The following PTPRD variants were observed in gnomAD, a reference collection of about 807,000 sequenced individuals.
The protein encoded by PTPRD is protein tyrosine phosphatase receptor type D.
A neutral mutation model predicts 214.5 loss-of-function variants in PTPRD; 34 were observed. The observed-to-expected ratio is 0.16, with a 90% CI of 0.12 to 0.21. PTPRD has a LOEUF of 0.21. Ranked by LOEUF, PTPRD falls within the 10% of genes least tolerant of loss-of-function variation. PTPRD has a pLI of 1.00. For missense variants in PTPRD, 2,545 were observed against 2,398.7 expected, an observed-to-expected ratio of 1.06 and a Z score of -1.27; for synonymous variants, 1,128 against 845.7, an observed-to-expected ratio of 1.33 and a Z score of -5.79.
At chr9:10,103,535 G>A (rs990234504) in intron 3 of PTPRD, among the ~76,000 whole-genome samples, 7 of 151,180 alleles carry the variant, frequency 4.6e-5, no homozygotes, top group African/African-American at 1.5e-4. Context: ...AGTCTCATTA[G>A]AGAAAGGGAA....
chr9:9,314,331 G>A (rs934027662), intron 9 of PTPRD, among the ~76,000 whole-genome samples: 2 of 152,062 alleles, frequency 1.3e-5, no homozygotes, highest in South Asian at 2.1e-4. Flanking sequence ...GAAGAAACAA[G>A]TTCTGTTCTT....
intron 3 of PTPRD, among the ~76,000 whole-genome samples, chr9:10,236,557 G>T (rs1027812832): frequency 2.6e-5 from 4 of 151,804 alleles, no homozygotes; most frequent in South Asian, 2.1e-4. Context: ...TGCAGTATTA[G>T]ATTTCCCTTA....
At chr9:10,278,790 T>G (rs1354460579) in intron 3 of PTPRD, among the ~76,000 whole-genome samples, 2 of 151,918 alleles carry the variant, frequency 1.3e-5, no homozygotes, top group East Asian at 3.9e-4. Context: ...TTGTTTTGTT[T>G]TTCAGATGGA....
intron 8 of PTPRD, among the ~76,000 whole-genome samples, chr9:9,431,936 A>G (rs984150141): frequency 1.3e-5 from 2 of 150,482 alleles, no homozygotes; most frequent in Admixed American, 6.6e-5. Context: ...GTAGCATTAG[A>G]AGATATACCT....
chr9:10,544,235 G>T (rs1186652994), intron 2 of PTPRD, among the ~76,000 whole-genome samples: 1 of 151,742 alleles, frequency 6.6e-6, no homozygotes, highest in Non-Finnish European at 1.5e-5. Context: ...GGTGTCCCTA[G>T]AAATAAAGTG....
chr9:10,492,534 T>C (rs2040655757), intron 2 of PTPRD, among the ~76,000 whole-genome samples: 1 of 152,176 alleles, frequency 6.6e-6, no homozygotes, highest in South Asian at 2.1e-4. Context: ...TCTGTTCATA[T>C]CCTTTGCCCA....
chr9:9,168,667 T>A (rs2099908739), intron 10 of PTPRD, among the ~76,000 whole-genome samples: 1 of 152,066 alleles, frequency 6.6e-6, no homozygotes, highest in South Asian at 2.1e-4. Context: ...CACCACATAT[T>A]TGTTCTCTAA....
In PTPRD at chr9:9,445,276, C is replaced by A. The variant is rs1424021485; in HGVS notation, c.-236-47794G>T. Among the ~76,000 whole-genome samples, 15 of 152,132 alleles carry A rather than the reference C, an allele frequency of 9.9e-5. 1 individual carries two copies. Among genetic ancestry groups the A allele is most frequent in the Admixed American group, 9.2e-4 (14 of 15,260 alleles). ...CCATACTTATCTGTCCCACGTTTAT[C>A]CCTGCAAATGGACAATACAAATTAA... On this transcript the variant is annotated intron_variant, in intron 8 of 45. Transcript: ENST00000381196.
At chr9:8,792,214 A>G (rs2096260371) in intron 11 of PTPRD, among the ~76,000 whole-genome samples, 1 of 152,192 alleles carries the variant, frequency 6.6e-6, no homozygotes, top group Non-Finnish European at 1.5e-5. Context: ...CACTTGGTAA[A>G]TGGTCTCCAG....
chr9:10,111,970 T>A (rs746041383), intron 3 of PTPRD, among the ~76,000 whole-genome samples: 1 of 152,226 alleles, frequency 6.6e-6, no homozygotes, highest in Non-Finnish European at 1.5e-5. Flanking sequence ...GTCCAGCAGA[T>A]GTACTTTCTT....
chr9:10,284,550 TAGC>T (rs2095274499), intron 3 of PTPRD, among the ~76,000 whole-genome samples: 1 of 152,204 alleles, frequency 6.6e-6, no homozygotes, highest in Non-Finnish European at 1.5e-5. Flanking sequence ...ACTACAAACT[TAGC>T]AGCTTAAAAT....
At chr9:10,178,813 G>T (rs1470665809) in intron 3 of PTPRD, among the ~76,000 whole-genome samples, 2 of 151,848 alleles carry the variant, frequency 1.3e-5, no homozygotes, top group African/African-American at 4.8e-5. Context: ...CCCAAGTTGG[G>T]ACAACCAAAG....
intron 4 of PTPRD, among the ~76,000 whole-genome samples, chr9:10,032,070 A>C (rs1421301017): frequency 6.6e-6 from 1 of 152,124 alleles, no homozygotes; most frequent in African/African-American, 2.4e-5. Context: ...GGATTAATTA[A>C]ATGTGAGCTA....
At chr9:8,606,248 C>T (rs1030720691) in intron 14 of PTPRD, among the ~76,000 whole-genome samples, 2 of 152,148 alleles carry the variant, frequency 1.3e-5, no homozygotes, top group African/African-American at 4.8e-5. Context: ...CAAACACACA[C>T]ACACACCCCC....
chr9:10,078,972 G>C (rs773464956), intron 3 of PTPRD, among the ~76,000 whole-genome samples: 5 of 151,866 alleles, frequency 3.3e-5, no homozygotes, highest in African/African-American at 9.7e-5. Context: ...ACTTTCAATC[G>C]TTAACATGAG....
chr9:9,483,537 A>G (rs1376894664), intron 8 of PTPRD, among the ~76,000 whole-genome samples: 1 of 152,166 alleles, frequency 6.6e-6, no homozygotes, highest in Non-Finnish European at 1.5e-5. Flanking sequence ...ACTAGAGTCT[A>G]AAGACAAATT....
At chr9:9,404,698 T>C (rs999026288) in intron 8 of PTPRD, among the ~76,000 whole-genome samples, 7 of 151,814 alleles carry the variant, frequency 4.6e-5, no homozygotes, top group African/African-American at 1.7e-4. Context: ...CAGTGGAGAG[T>C]CTAGGACTAG....
At chr9:9,061,408 A>G (rs2099707114) in intron 10 of PTPRD, among the ~76,000 whole-genome samples, 1 of 152,202 alleles carries the variant, frequency 6.6e-6, no homozygotes, top group Non-Finnish European at 1.5e-5. Flanking sequence ...AAAACTAATG[A>G]CAACAAACAA....
intron 11 of PTPRD, among the ~76,000 whole-genome samples, chr9:8,960,375 C>T (rs189655073): frequency 1.3e-5 from 2 of 152,148 alleles, no homozygotes; most frequent in African/African-American, 2.4e-5. Context: ...ACTTAGGAAC[C>T]TCTGGTATAT....
Sources: gnomAD v4.1 joint callset for allele counts (sites outside exome capture counted in the v4.1 genomes callset) on GRCh38, gnomAD v4.1.1 for gene constraint, MANE v1.5 for transcripts, NCBI Gene and HGNC (gene_info 2026-07-23, HGNC 2026-07-21) for gene names.